The following ZC3H18 variants were observed in gnomAD, a reference collection of about 807,000 sequenced individuals.
ZC3H18 encodes zinc finger CCCH-type containing 18.
A neutral mutation model predicts 106.1 loss-of-function variants in ZC3H18; 8 were observed. The observed-to-expected ratio is 0.08, with a 90% CI of 0.04 to 0.14. ZC3H18 has a LOEUF of 0.14. ZC3H18 is among the 10% of genes least tolerant of loss of function. The probability of loss-of-function intolerance (pLI) is 1.00; values close to 1 mark genes in which losing one functional copy is unlikely to be tolerated. For missense variants in ZC3H18, 1,318 were observed against 1,278.4 expected (o/e 1.03, Z -0.47); for synonymous variants, 635 against 522.1 (o/e 1.22, Z -2.95).
chr16:88,577,482 C>T lies in ZC3H18; in HGVS notation c.359C>T (p.Thr120Ile). 6.2e-7 allele frequency: 1 copy of T among 1,612,836 alleles called. No homozygotes were observed. The highest frequency in any genetic ancestry group is 2.2e-5 in the East Asian group (1 of 44,858). ...CTTAGGGATGAGGCCTCCTCAGTCA[C>T]CAGGGAGCTGGATGAGCATGAGCTA... ...SDLRDEASSV[T>I]RELDEHELDY... The change falls in exon 2 of 18, where the codon ACC becomes ATC. Residue 120 changes from threonine to isoleucine, a missense_variant. Around this residue, in one of 6 missense-constraint regions of ZC3H18, gnomAD observed 346 missense variants for 269.0 expected, o/e 1.29. Transcript: ENST00000301011.
intron 6 of ZC3H18, among the ~76,000 whole-genome samples, chr16:88,603,090 G>T (rs201371069): frequency 6.6e-6 from 1 of 150,856 alleles, no homozygotes. Flanking sequence ...TCAGCCTCCC[G>T]AGTAGCTGGG....
At chr16:88,577,751 G>A (rs747930335) in intron 2 of ZC3H18, 25 bp downstream of exon 2, 250 of 1,612,296 alleles carry the variant, frequency 1.6e-4, no homozygotes, top group Non-Finnish European at 1.9e-4. Context: ...GCAGAGCGTC[G>A]CGGGGCATCC....
At chr16:88,572,163 G>A (rs1305833167) in intron 1 of ZC3H18, among the ~76,000 whole-genome samples, 1 of 152,208 alleles carries the variant, frequency 6.6e-6, no homozygotes, top group Non-Finnish European at 1.5e-5. Context: ...CCACCACTAA[G>A]AATACCAGAA....
chr16:88,624,134 C>G (rs1007411656), intron 11 of ZC3H18, 72 bp downstream of exon 11: 2 of 1,572,720 alleles, frequency 1.3e-6, no homozygotes, highest in South Asian at 1.1e-5. Flanking sequence ...CCCTCCGTCT[C>G]TATCTCTCAT....
chr16:88,611,557 C>T, intron 8 of ZC3H18, 21 bp downstream of exon 8: 1 of 1,546,768 alleles, frequency 6.5e-7, no homozygotes, highest in South Asian at 1.2e-5. Flanking sequence ...CTTCCTGAAG[C>T]CCAGGGGTGT....
At chr16:88,623,006 C>T (rs890879689) in intron 9 of ZC3H18, 1 of 657,000 alleles carries the variant, frequency 1.5e-6, no homozygotes, top group Admixed American at 3.2e-5. Flanking sequence ...TTTCTAAATG[C>T]CGTTCTGCAC....
chr16:88,586,807 A>AGGG (rs1915465962), intron 3 of ZC3H18, 123 bp downstream of exon 3: 1 of 493,722 alleles, frequency 2.0e-6, no homozygotes, highest in Non-Finnish European at 3.8e-6. Flanking sequence ...ATTACTGGCT[A>AGGG]GGTGGTGGTG....
chr16:88,599,352 G>A (rs1164548505), intron 5 of ZC3H18, among the ~76,000 whole-genome samples: 1 of 152,216 alleles, frequency 6.6e-6, no homozygotes, highest in African/African-American at 2.4e-5. Context: ...CAGCTCTGGG[G>A]ACCACTCTGC....
chr16:88,584,061 G>C (rs1205461478), intron 2 of ZC3H18, among the ~76,000 whole-genome samples: 1 of 152,102 alleles, frequency 6.6e-6, no homozygotes, highest in East Asian at 1.9e-4. Context: ...CCATTATTTA[G>C]TGATTTGTTT....
Position 88,614,845 on chromosome 16 carries a change from C to T in ZC3H18, c.1475+3309C>T, listed in dbSNP as rs1466452032. Among the ~76,000 whole-genome samples, 3 of 152,248 alleles carry T rather than the reference C, an allele frequency of 2.0e-5. No homozygotes were observed. The East Asian group carries it at 5.8e-4, about 29-fold the overall frequency. The stretch of plus-strand genomic sequence containing the variant: ...TGCACTCAGCCTAAGGCTGCCTTCT[C>T]CCCTGAGACCCCACTGCAAAGGTGC... On this transcript the variant is annotated intron_variant, in intron 8 of 17. Transcript: ENST00000301011.
At chr16:88,615,659 CAG>C (rs1905552123) in intron 8 of ZC3H18, among the ~76,000 whole-genome samples, 2 of 152,158 alleles carry the variant, frequency 1.3e-5, no homozygotes, top group Non-Finnish European at 1.5e-5. Flanking sequence ...GTTTTAGAAG[CAG>C]AGACATAGAA....
intron 2 of ZC3H18, among the ~76,000 whole-genome samples, chr16:88,582,698 A>G (rs1915207708): frequency 6.6e-6 from 1 of 152,144 alleles, no homozygotes; most frequent in Non-Finnish European, 1.5e-5. Flanking sequence ...TAGCGTGGTT[A>G]GTGTTCCACA....
intron 13 of ZC3H18, 192 bp downstream of exon 13, chr16:88,625,459 G>A: frequency 1.5e-6 from 1 of 650,240 alleles, no homozygotes; most frequent in East Asian, 2.8e-5. Flanking sequence ...ACTCGTGATA[G>A]GAAGACCCCC....
At chr16:88,574,294 C>G (rs1914598731) in intron 1 of ZC3H18, among the ~76,000 whole-genome samples, 1 of 152,042 alleles carries the variant, frequency 6.6e-6, no homozygotes, top group East Asian at 1.9e-4. Flanking sequence ...ACTGCAACCA[C>G]TGTCTCCCAG....
rs762268069 is a variant in ZC3H18 at position 88,587,514 on chromosome 16, A to C, written c.688+830A>C. 1.9e-5 allele frequency: 29 copies of C among 1,530,156 alleles called. No homozygotes were observed. In the South Asian group the frequency reaches 3.3e-4, roughly 18 times the overall value. 94.8% of individuals were successfully genotyped at this position (1,530,156 alleles called of 1,614,324 possible). A position where few individuals can be genotyped will look rare whatever the true frequency, so the allele number is the denominator to read the frequency against. On this transcript the variant is annotated intron_variant, in intron 3 of 17. Transcript: ENST00000301011. The stretch of plus-strand genomic sequence containing the variant: ...AGCCTGTGTGTGCCATCTAAAGCTC[A>C]CAAGAGCTTCCTGTACTTCTTTTCC...
chr16:88,628,624 G>C (rs952896552), intron 15 of ZC3H18, 134 bp from the exon 16 acceptor site: 17 of 909,164 alleles, frequency 1.9e-5, no homozygotes, highest in Middle Eastern at 6.1e-4. Context: ...TCAGGGCTAC[G>C]GGGTCTCATG....
chr16:88,578,878 A>G (rs914856902), intron 2 of ZC3H18, among the ~76,000 whole-genome samples: 8 of 151,984 alleles, frequency 5.3e-5, no homozygotes, highest in South Asian at 2.1e-4. Flanking sequence ...CGTAGAGATG[A>G]GGTGTCGCCC....
At position 88,611,493 on chromosome 16, in the gene ZC3H18, AAGG is replaced by A. The variant is rs765749944; in HGVS notation, c.1435_1437del (p.Glu479del). On this transcript the variant is annotated inframe_deletion, in exon 8 of 18. Coordinates refer to ENST00000301011, the MANE Select transcript of ZC3H18 (RefSeq NM_144604.4). Reference sequence around the variant, plus strand: ...CCGCGACCGGGAGAAGGAGCGGGAGAAGGAGAAGGGGAAGCCCAAGCCCCGCTC... The same window carrying A: ...CCGCGACCGGGAGAAGGAGCGGGAGAAGAAGGGGAAGCCCAAGCCCCGCTC... The A allele has an allele frequency of 8.4e-6, 13 of 1,550,274 alleles. No homozygotes were observed. The highest frequency in any genetic ancestry group is 1.4e-5 in the African/African-American group (1 of 72,974).
chr16:88,625,721 C>G (rs1363822623), intron 13 of ZC3H18: 2 of 177,334 alleles, frequency 1.1e-5, no homozygotes, highest in South Asian at 1.2e-4. Context: ...CTTTGTGGGC[C>G]AGGTGCGGCG....
Sources: gnomAD v4.1 joint callset for allele counts (sites outside exome capture counted in the v4.1 genomes callset) on GRCh38, gnomAD v4.1.1 for gene constraint, gnomAD v4.1.1 regional missense constraint, MANE v1.5 for transcripts, NCBI Gene and HGNC (gene_info 2026-07-23, HGNC 2026-07-21) for gene names.